BRD1: variants seen among roughly 807,000 people sequenced by gnomAD.
The protein encoded by BRD1 is bromodomain-containing protein 1.
Under a neutral mutation model 107.7 loss-of-function variants are expected in BRD1, and 24 were observed. The ratio of observed to expected loss-of-function variants is 0.22; its 90% CI spans 0.16 to 0.31. The LOEUF is 0.31. Ranked by LOEUF, BRD1 falls within the 10% of genes least tolerant of loss-of-function variation. The probability of loss-of-function intolerance (pLI) is 1.00; values close to 1 mark genes in which losing one functional copy is unlikely to be tolerated. For missense variants in BRD1, 1,279 were observed against 1,638.6 expected (o/e 0.78, Z 3.79); for synonymous variants, 744 against 686.1 (o/e 1.08, Z -1.32).
Position 49,799,011 on chromosome 22 carries a change from G to A in BRD1, c.1633C>T (p.Arg545Trp), listed in dbSNP as rs777465966. 3 of 1,610,078 alleles carry A rather than the reference G, an allele frequency of 1.9e-6. No individual in the cohort carries two copies. The highest frequency in any genetic ancestry group is 2.2e-5 in the East Asian group (1 of 44,844). ...ARLLIELLRK[R>W]EKLKREQVKV... Reference sequence around the variant, plus strand: ...ACCTGCTCACGCTTGAGCTTCTCCCGCTTGCGCAGCAGCTCGATCAGCAGG... The same window carrying A: ...ACCTGCTCACGCTTGAGCTTCTCCCACTTGCGCAGCAGCTCGATCAGCAGG... The change falls in exon 4 of 13, where the codon CGG becomes TGG. Residue 545 changes from arginine (R) to tryptophan (W), a missense_variant. By Grantham distance (101) the Arg-to-Trp change is moderately radical. This residue lies in a region of BRD1 where 406 missense variants were observed against 519.4 expected (regional missense o/e 0.78). Coordinates refer to ENST00000404760, the MANE Select transcript of BRD1 (RefSeq NM_001304808.3).
At chr22:49,820,579 G>A (rs983502231) in intron 2 of BRD1, among the ~76,000 whole-genome samples, 15 of 152,120 alleles carry the variant, frequency 9.9e-5, no homozygotes, top group African/African-American at 3.1e-4. Flanking sequence ...GCACTCCAAC[G>A]TGGGCAACAG....
Position 49,824,125 on chromosome 22 carries a change from G to A in BRD1, c.193C>T (p.Leu65Phe), listed in dbSNP as rs777042149. Reference sequence around the variant, plus strand: ...CACTCACTCATCTCTTGAGCAGTGAGGTCATCTTCCAATATGATCTCCAGG... The same window carrying A: ...CACTCACTCATCTCTTGAGCAGTGAAGTCATCTTCCAATATGATCTCCAGG... ...DPLEIILEDD[L>F]TAQEMSECNS... Residue 65 changes from leucine (L) to phenylalanine (F), a missense_variant, in exon 2 of 13, where the codon CTC becomes TTC. Physicochemically the swap from Leu to Phe is conservative, Grantham distance 22. Transcript: ENST00000404760. The surrounding 1 kb of genome is among the most constrained non-coding windows in gnomAD (Gnocchi z 5.9). 1 of 1,613,900 alleles carries A rather than the reference G, an allele frequency of 6.2e-7. No individual in the cohort carries two copies. The highest frequency in any genetic ancestry group is 1.7e-5 in the Admixed American group (1 of 60,008).
chr22:49,813,470 C>A (rs1037349834), intron 2 of BRD1, among the ~76,000 whole-genome samples: 1 of 151,768 alleles, frequency 6.6e-6, no homozygotes, highest in Non-Finnish European at 1.5e-5. Flanking sequence ...GATCCGCCCC[C>A]CTTGGCCTCT....
intron 2 of BRD1, among the ~76,000 whole-genome samples, chr22:49,822,059 G>A (rs12165423): frequency 9.8e-5 from 15 of 152,336 alleles, no homozygotes; most frequent in African/African-American, 2.4e-4. Flanking sequence ...AGAGCCCCTC[G>A]GGTTGAAAGT....
chr22:49,805,943 T>A (rs1239037182), intron 2 of BRD1: 1 of 152,164 alleles, frequency 6.6e-6, no homozygotes, highest in African/African-American at 2.4e-5. Context: ...GGTTTCACCG[T>A]GCTGGCCAGG....
intron 1 of BRD1, chr22:49,826,373 A>G: frequency 1.8e-6 from 1 of 563,956 alleles, no homozygotes; most frequent in African/African-American, 2.0e-5. Flanking sequence ...TCAGCAGGGC[A>G]GGGCGACCCA....
chr22:49,799,931 A>T (rs1488734671), intron 3 of BRD1, among the ~76,000 whole-genome samples: 1 of 152,116 alleles, frequency 6.6e-6, no homozygotes. Flanking sequence ...CCCTGACCCT[A>T]CCTCAAAGGG....
At chr22:49,797,664 A>T in intron 6 of BRD1, 141 bp downstream of exon 6, 2 of 753,494 alleles carry the variant, frequency 2.7e-6, no homozygotes, top group Non-Finnish European at 4.0e-6. Context: ...CAGTGAGGCT[A>T]CTAGAAAATG....
intron 7 of BRD1, among the ~76,000 whole-genome samples, chr22:49,789,437 C>T (rs1272676626): frequency 6.6e-6 from 1 of 152,116 alleles, no homozygotes; most frequent in Non-Finnish European, 1.5e-5. Flanking sequence ...GTGTCTGGGG[C>T]ACAGGGCCTG....
chr22:49,786,491 C>T (rs1316098631), intron 8 of BRD1, among the ~76,000 whole-genome samples: 1 of 152,244 alleles, frequency 6.6e-6, no homozygotes, highest in Non-Finnish European at 1.5e-5. Flanking sequence ...ATGAGAAGCG[C>T]TTTCCAGTGC....
chr22:49,814,342 G>C lies in BRD1; in HGVS notation c.1367+8609C>G, dbSNP rs541513302. Among the ~76,000 whole-genome samples the C allele has an allele frequency of 5.9e-5, 9 of 152,334 alleles. No homozygotes were observed. In the East Asian group the frequency reaches 9.6e-4, roughly 16 times the overall value. On this transcript the variant is annotated intron_variant, in intron 2 of 12. Coordinates refer to ENST00000404760, the MANE Select transcript of BRD1 (RefSeq NM_001304808.3). ...ACGCAGACCCCATGCCAGGTGGTGC[G>C]AGGTGGAGGACGCCGTGCCCACATC...
At chr22:49,796,330 G>A (rs2059531145) in intron 6 of BRD1, among the ~76,000 whole-genome samples, 1 of 150,936 alleles carries the variant, frequency 6.6e-6, no homozygotes. Context: ...TCCTGACTTC[G>A]TGATCCACCC....
At position 49,775,629 on chromosome 22, in the gene BRD1, C is replaced by T; in HGVS notation, c.3348G>A (p.Lys1116=). 6.2e-7 allele frequency: 1 copy of T among 1,612,974 alleles called. No homozygotes were observed. The part of the protein sequence containing the change: ...GEHMQTKSDE[K]LFLVLFFDNK... The stretch of plus-strand genomic sequence containing the variant: ...TATCAAAAAAGAGAACGAGGAACAG[C>T]TTCTCATCAGACTTGGTCTGCATGT... Residue 1116 remains lysine (K), a synonymous_variant, in exon 12 of 13, where the codon AAG becomes AAA. Coordinates refer to ENST00000404760, the MANE Select transcript of BRD1 (RefSeq NM_001304808.3).
chr22:49,820,627 G>A (rs1196847357), intron 2 of BRD1, among the ~76,000 whole-genome samples: 1 of 150,528 alleles, frequency 6.6e-6, no homozygotes, highest in Non-Finnish European at 1.5e-5. Context: ...TAAAAAATAA[G>A]AAGCTTCACC....
chr22:49,775,500 A>T, intron 12 of BRD1, 91 bp downstream of exon 12: 1 of 1,205,076 alleles, frequency 8.3e-7, no homozygotes, highest in Non-Finnish European at 1.1e-6. Flanking sequence ...GCAGACAAAG[A>T]CGCTGCTCAC....
chr22:49,781,745 G>C (rs533759897), intron 8 of BRD1, among the ~76,000 whole-genome samples: 1 of 152,282 alleles, frequency 6.6e-6, no homozygotes, highest in African/African-American at 2.4e-5. Context: ...TGACAAAGGA[G>C]AGCCCACTAT....
Position 49,824,136 on chromosome 22 carries a change from A to G in BRD1, c.182T>C (p.Leu61Ser), listed in dbSNP as rs141958681. 6.2e-7 allele frequency: 1 copy of G among 1,614,018 alleles called. No homozygotes were observed. Among genetic ancestry groups the G allele is most frequent in the Middle Eastern group, 1.7e-4 (1 of 6,060 alleles). Residue 61 changes from leucine (L) to serine (S), a missense_variant, in exon 2 of 13, where the codon TTG (leucine) becomes TCG (serine). Leu to Ser is a moderately radical substitution (Grantham distance 145, BLOSUM62 -2). Transcript: ENST00000404760. The surrounding 1 kb of genome is among the most constrained non-coding windows in gnomAD (Gnocchi z 5.9). ...CTCTTGAGCAGTGAGGTCATCTTCC[A>G]ATATGATCTCCAGGGGATCAAAAAT... ...ISIFDPLEII[L>S]EDDLTAQEMS...
intron 3 of BRD1, among the ~76,000 whole-genome samples, chr22:49,800,006 C>A (rs1298467775): frequency 6.6e-6 from 1 of 152,202 alleles, no homozygotes; most frequent in Non-Finnish European, 1.5e-5. Context: ...TCCACAGCTG[C>A]AGGACACGCG....
intron 2 of BRD1, 151 bp from the exon 3 acceptor site, chr22:49,804,511 G>C: frequency 1.1e-6 from 1 of 882,730 alleles, no homozygotes; most frequent in African/African-American, 1.7e-5. Flanking sequence ...TATCCCTAGT[G>C]CTGCTAAAAC....
Sources: gnomAD v4.1 joint callset for allele counts (sites outside exome capture counted in the v4.1 genomes callset) on GRCh38, gnomAD v4.1.1 for gene constraint, gnomAD v4.1.1 regional missense constraint, Gnocchi (gnomAD v3.1) non-coding constraint, MANE v1.5 for transcripts, NCBI Gene and HGNC (gene_info 2026-07-23, HGNC 2026-07-21) for gene names.